The following RBM33 variants were observed in gnomAD, a reference collection of about 807,000 sequenced individuals.
RBM33 encodes the protein RNA-binding protein 33.
A neutral mutation model predicts 132.6 loss-of-function variants in RBM33; 28 were observed. The ratio of observed to expected loss-of-function variants is 0.21; its 90% CI spans 0.16 to 0.29. The LOEUF is 0.29. RBM33 is among the 10% of genes least tolerant of loss of function. The pLI is 1.00. For missense variants in RBM33, 1,291 were observed against 1,518.5 expected (o/e 0.85, Z 2.49); for synonymous variants, 634 against 593.0 (o/e 1.07, Z -1.01).
chr7:155,654,771 T>C (rs1427336225), intron 1 of RBM33, among the ~76,000 whole-genome samples: 3 of 152,240 alleles, frequency 2.0e-5, no homozygotes, highest in Admixed American at 1.3e-4. Context: ...TTCATTTGCT[T>C]TTTTGCTGAT....
At chr7:155,671,506 A>G (rs1798941769) in intron 2 of RBM33, among the ~76,000 whole-genome samples, 1 of 152,238 alleles carries the variant, frequency 6.6e-6, no homozygotes, top group South Asian at 2.1e-4. Flanking sequence ...TTTTAGTTCT[A>G]AAAGGCGTTA....
Position 155,745,148 on chromosome 7 carries a change from A to G in RBM33, c.2525A>G (p.Glu842Gly), listed in dbSNP as rs766254250. The change falls in exon 14 of 18, where the codon GAG becomes GGG. Residue 842 changes from glutamate to glycine, a missense_variant. Coordinates refer to ENST00000401878, the MANE Select transcript of RBM33 (RefSeq NM_053043.3). This position sits in a 1 kb window ranked among gnomAD's most constrained non-coding sequence, Gnocchi z 4.1. Reference sequence around the variant, plus strand: ...CTGTACGCTCCCCCACCCCCAGCAGAGCAGGAAGAGCAGGCACTGTCACCA... The same window carrying G: ...CTGTACGCTCCCCCACCCCCAGCAGGGCAGGAAGAGCAGGCACTGTCACCA... ...QQLYAPPPPA[E>G]QEEQALSPSP... The G allele has an allele frequency of 1.2e-6, 2 of 1,605,270 alleles. No individual in the cohort carries two copies. The highest frequency in any genetic ancestry group is 2.2e-5 in the East Asian group (1 of 44,616).
chr7:155,760,505 G>A (rs1430768049), intron 14 of RBM33, among the ~76,000 whole-genome samples: 2 of 152,130 alleles, frequency 1.3e-5, no homozygotes, highest in Non-Finnish European at 2.9e-5. Context: ...AAGTGTTCGC[G>A]CTTGTAAAGA....
intron 1 of RBM33, among the ~76,000 whole-genome samples, chr7:155,661,076 A>G (rs1324380885): frequency 6.7e-6 from 1 of 149,888 alleles, no homozygotes; most frequent in Non-Finnish European, 1.5e-5. Context: ...GTTTTTAAAA[A>G]TAATTTCTGT....
At chr7:155,772,757 G>A (rs1037389688) in intron 16 of RBM33, among the ~76,000 whole-genome samples, 2 of 152,228 alleles carry the variant, frequency 1.3e-5, no homozygotes, top group African/African-American at 2.4e-5. Flanking sequence ...CTGTCTCAGT[G>A]ATGTCCCTAG....
chr7:155,681,937 T>C (rs1034635504), intron 5 of RBM33, among the ~76,000 whole-genome samples: 1 of 152,106 alleles, frequency 6.6e-6, no homozygotes, highest in Non-Finnish European at 1.5e-5. Context: ...TTTTTTTTTT[T>C]CTAGACGGAC....
At chr7:155,653,643 A>T (rs1798415860) in intron 1 of RBM33, among the ~76,000 whole-genome samples, 1 of 152,012 alleles carries the variant, frequency 6.6e-6, no homozygotes, top group South Asian at 2.1e-4. Context: ...AGGTTTAGGG[A>T]GCTTCTGAGT....
chr7:155,651,090 C>T (rs1838690417), intron 1 of RBM33, among the ~76,000 whole-genome samples: 1 of 152,166 alleles, frequency 6.6e-6, no homozygotes, highest in Admixed American at 6.5e-5. Flanking sequence ...GTTGGCCAGG[C>T]TGGTCTGGAA....
In RBM33 at chr7:155,777,984, A is replaced by G. The variant is rs1802677213; in HGVS notation, c.*2943A>G. Reference sequence around the variant, plus strand: ...TCTTGTTTTGGTTTTGTGCTGTAATAGAAGTTCACTTAGCTACTTTAGATA... The same window carrying G: ...TCTTGTTTTGGTTTTGTGCTGTAATGGAAGTTCACTTAGCTACTTTAGATA... On this transcript the variant is annotated 3_prime_UTR_variant, in exon 18 of 18. Transcript: ENST00000401878. 6.6e-6 allele frequency: 1 copy of G among 152,666 alleles called. No individual in the cohort carries two copies. The highest frequency in any genetic ancestry group is 1.5e-5 in the Non-Finnish European group (1 of 68,036). The allele number at this position is 152,666 out of a possible 1,614,324, so 9.5% of individuals were successfully genotyped here.
intron 9 of RBM33, among the ~76,000 whole-genome samples, chr7:155,728,447 T>A (rs1456705568): frequency 6.6e-6 from 1 of 152,166 alleles, no homozygotes; most frequent in African/African-American, 2.4e-5. Context: ...AATCCTTCTT[T>A]CTCCGTTCTT....
Position 155,775,925 on chromosome 7 carries a change from C to G in RBM33, c.*884C>G, listed in dbSNP as rs1311860940. 1 of 152,210 alleles carries G rather than the reference C, an allele frequency of 6.6e-6. No individual in the cohort carries two copies. Among genetic ancestry groups the G allele is most frequent in the African/African-American group, 2.4e-5 (1 of 41,434 alleles). The allele number at this position is 152,210 out of a possible 1,614,324, so 9.4% of individuals were successfully genotyped here. ...CACTGGCTCTGTGATACATGACATT[C>G]TTTGGGAATTTGGTGGCCACTGCTT... On this transcript the variant is annotated 3_prime_UTR_variant, in exon 18 of 18. Coordinates refer to ENST00000401878, the MANE Select transcript of RBM33 (RefSeq NM_053043.3).
At chr7:155,702,210 A>T (rs1224771267) in intron 6 of RBM33, among the ~76,000 whole-genome samples, 1 of 152,172 alleles carries the variant, frequency 6.6e-6, no homozygotes, top group East Asian at 1.9e-4. Context: ...TTTGTCCAAA[A>T]CATGAGCCTG....
intron 2 of RBM33, among the ~76,000 whole-genome samples, chr7:155,669,406 G>A (rs1585414983): frequency 6.6e-6 from 1 of 152,296 alleles, no homozygotes; most frequent in South Asian, 2.1e-4. Context: ...GCTCTGGAGT[G>A]CAGTGGTGCG....
intron 5 of RBM33, among the ~76,000 whole-genome samples, chr7:155,693,715 A>G (rs967114539): frequency 5.3e-5 from 8 of 151,634 alleles, no homozygotes. Flanking sequence ...TCCACTAGCA[A>G]TAAATATTTG....
chr7:155,770,437 G>A (rs1287628717), intron 16 of RBM33, among the ~76,000 whole-genome samples: 1 of 152,202 alleles, frequency 6.6e-6, no homozygotes, highest in Non-Finnish European at 1.5e-5. Flanking sequence ...CTGAGGCTCT[G>A]CAGGGGCTCT....
intron 5 of RBM33, among the ~76,000 whole-genome samples, chr7:155,692,386 C>G (rs549150050): frequency 2.6e-5 from 4 of 152,274 alleles, no homozygotes; most frequent in East Asian, 1.9e-4. Flanking sequence ...ACTGCCTGTC[C>G]TTTGTTCCGG....
At chr7:155,657,167 G>A (rs1454026075) in intron 1 of RBM33, among the ~76,000 whole-genome samples, 1 of 152,094 alleles carries the variant, frequency 6.6e-6, no homozygotes, top group African/African-American at 2.4e-5. Context: ...TCTCCTTTGG[G>A]AAAATACTTT....
chr7:155,665,096 A>G (rs895833964), intron 1 of RBM33, 79 bp from the exon 2 acceptor site: 7 of 1,178,870 alleles, frequency 5.9e-6, no homozygotes, highest in Middle Eastern at 2.0e-4. Context: ...TCCTTAAAAA[A>G]GTTGTTTTAG....
In RBM33 at chr7:155,673,960, T is replaced by G. The variant is rs1329911886; in HGVS notation, c.171+1045T>G. Among the ~76,000 whole-genome samples the G allele has an allele frequency of 7.2e-5, 9 of 125,566 alleles. No individual in the cohort carries two copies. In the East Asian group the frequency reaches 1.2e-3, roughly 16 times the overall value. 82.4% of individuals were successfully genotyped at this position (125,566 alleles called of 152,430 possible). ...GCTTAGTTTTTTTTTTTTTTTTTTT[T>G]TTTTTTTTTTTTGAGACACAGTCTT... On this transcript the variant is annotated intron_variant, in intron 3 of 17. Coordinates refer to ENST00000401878, the MANE Select transcript of RBM33 (RefSeq NM_053043.3).
Sources: gnomAD v4.1 joint callset for allele counts (sites outside exome capture counted in the v4.1 genomes callset) on GRCh38, gnomAD v4.1.1 for gene constraint, Gnocchi (gnomAD v3.1) non-coding constraint, MANE v1.5 for transcripts, NCBI Gene and HGNC (gene_info 2026-07-23, HGNC 2026-07-21) for gene names.